The following STAT5B variants were observed in gnomAD, a reference collection of about 807,000 sequenced individuals.
STAT5B encodes the protein transcription factor STAT5B.
Under a neutral mutation model 107.8 loss-of-function variants are expected in STAT5B, and 21 were observed. The observed-to-expected ratio is 0.19, with a 90% CI of 0.14 to 0.28. STAT5B has a LOEUF of 0.28. STAT5B is among the 10% of genes least tolerant of loss of function. The pLI, the probability that STAT5B is intolerant of heterozygous loss-of-function variation, is 1.00. For missense variants in STAT5B, 565 were observed against 1,008.2 expected (o/e 0.56, Z 5.95); for synonymous variants, 325 against 401.7 (o/e 0.81, Z 2.28).
chr17:42,233,655 T>C (rs1567666179), intron 1 of STAT5B, among the ~76,000 whole-genome samples: 1 of 152,000 alleles, frequency 6.6e-6, no homozygotes. Context: ...CACGCCCGGA[T>C]AATTTTTTGT....
intron 1 of STAT5B, among the ~76,000 whole-genome samples, chr17:42,261,367 CACTT>C (rs1211595582): frequency 6.6e-6 from 1 of 152,078 alleles, no homozygotes; most frequent in Non-Finnish European, 1.5e-5. Context: ...TACAGAAAAA[CACTT>C]ATTTACTTCA....
rs2080540293 is a variant in STAT5B at position 42,255,941 on chromosome 17, A to G, written c.-11+20307T>C. ...CACCTCTACTAAAAATACCAAAATT[A>G]GCCAGGCATGGTGGCGTGCACCTGT... On this transcript the variant is annotated intron_variant, in intron 1 of 18. Transcript: ENST00000293328. Among the ~76,000 whole-genome samples the G allele has an allele frequency of 3.3e-5, 5 of 152,166 alleles. No individual in the cohort carries two copies. The South Asian group carries it at 1.0e-3, about 32-fold the overall frequency.
At chr17:42,278,275 A>C (rs963950340), upstream of STAT5B, among the ~76,000 whole-genome samples, 1 of 152,360 alleles carries the variant, frequency 6.6e-6, no homozygotes, top group South Asian at 2.1e-4. Context: ...CCCCAAGGGC[A>C]GACGCAATAT....
At chr17:42,253,014 C>T (rs2080512185) in intron 1 of STAT5B, among the ~76,000 whole-genome samples, 1 of 152,110 alleles carries the variant, frequency 6.6e-6, no homozygotes, top group South Asian at 2.1e-4. Context: ...TATGATTGTG[C>T]CAAAACAAGA....
intron 5 of STAT5B, among the ~76,000 whole-genome samples, chr17:42,222,397 A>G (rs192364292): frequency 1.1e-4 from 17 of 152,308 alleles, no homozygotes; most frequent in East Asian, 7.7e-4. Context: ...AGCAGGATTT[A>G]TACCAGGCTA....
intron 1 of STAT5B, among the ~76,000 whole-genome samples, chr17:42,259,373 C>T (rs572911666): frequency 6.6e-6 from 1 of 152,218 alleles, no homozygotes; most frequent in African/African-American, 2.4e-5. Context: ...ATGGGTAATG[C>T]TTCAGCCATG....
intron 3 of STAT5B, among the ~76,000 whole-genome samples, chr17:42,225,106 G>C (rs1402343141): frequency 1.3e-5 from 2 of 152,088 alleles, no homozygotes; most frequent in African/African-American, 4.8e-5. Context: ...CCAGGCTGGA[G>C]TGCAGTGGCA....
At chr17:42,220,941 A>G (rs572880475) in intron 5 of STAT5B, among the ~76,000 whole-genome samples, 1 of 133,660 alleles carries the variant, frequency 7.5e-6, no homozygotes, top group African/African-American at 2.8e-5. Context: ...CGTCTCCACC[A>G]CACTGGGACT....
chr17:42,248,071 G>A (rs997784193), intron 1 of STAT5B, among the ~76,000 whole-genome samples: 1 of 151,816 alleles, frequency 6.6e-6, no homozygotes, highest in Admixed American at 6.6e-5. Flanking sequence ...TAGGCCAGGA[G>A]TTTGAAACAA....
At chr17:42,254,348 C>CT (rs2080524026) in intron 1 of STAT5B, among the ~76,000 whole-genome samples, 1 of 152,190 alleles carries the variant, frequency 6.6e-6, no homozygotes, top group Non-Finnish European at 1.5e-5. Flanking sequence ...CCACTGCACT[C>CT]TGTCTCTTAA....
At chr17:42,223,339 G>A (rs757297255) in intron 5 of STAT5B, 43 bp downstream of exon 5, 13 of 1,613,658 alleles carry the variant, frequency 8.1e-6, no homozygotes, top group Non-Finnish European at 8.5e-6. Flanking sequence ...CAGTCCCCAG[G>A]CCCAATCCTC....
chr17:42,218,157 G>T lies in STAT5B; in HGVS notation c.1163C>A (p.Thr388Asn). 1 of 1,614,068 alleles carries T rather than the reference G, an allele frequency of 6.2e-7. No homozygotes were observed. Among genetic ancestry groups the T allele is most frequent in the Non-Finnish European group, 8.5e-7 (1 of 1,179,986 alleles). The change falls in exon 9 of 19, where the codon ACC becomes AAC. Residue 388 changes from threonine (T) to asparagine (N), a missense_variant. Coordinates refer to ENST00000293328, the MANE Select transcript of STAT5B (RefSeq NM_012448.4). ...GAGGAAGCTGCACAATTACTTGCGG[G>T]TGTTCTCGTTCTTGAGCAGAGACTT... ...QAKSLLKNEN[T>N]RNDYSGEILN... is the part of the protein sequence containing the mutation.
intron 3 of STAT5B, among the ~76,000 whole-genome samples, chr17:42,226,901 G>GATC (rs1373839472): frequency 6.7e-6 from 1 of 148,832 alleles, no homozygotes; most frequent in South Asian, 2.1e-4. Context: ...GAGGTGGGCG[G>GATC]ATCACCTGAG....
intron 2 of STAT5B, 57 bp from the exon 3 acceptor site, chr17:42,227,742 T>G (rs2080285910): frequency 1.1e-5 from 17 of 1,577,734 alleles, no homozygotes; most frequent in Non-Finnish European, 1.5e-5. Flanking sequence ...CCTGTATAAA[T>G]ACAGCCTCAA....
upstream of STAT5B, among the ~76,000 whole-genome samples, chr17:42,276,895 G>T (rs528647211): frequency 2.0e-5 from 3 of 152,332 alleles, no homozygotes; most frequent in African/African-American, 7.2e-5. The surrounding 1 kb of genome is among the most constrained non-coding windows in gnomAD (Gnocchi z 4.8). Flanking sequence ...TTGCCCCCGG[G>T]AGGGCGTCTC....
Position 42,201,524 on chromosome 17 carries a change from GCACACA to G in STAT5B, c.*208_*213del, listed in dbSNP as rs57573850. 2,654 of 615,590 alleles carry G rather than the reference GCACACA, an allele frequency of 4.3e-3. 23 individuals carry two copies. The highest frequency in any genetic ancestry group is 0.034 in the African/African-American group (1,842 of 54,080). 38.1% of individuals were successfully genotyped at this position (615,590 alleles called of 1,614,324 possible). ...GAGAAACACCATAACGTGCAAACAC[GCACACA>G]CACACACACACACACACACACACAA... On this transcript the variant is annotated 3_prime_UTR_variant, in exon 19 of 19. Transcript: ENST00000293328.
chr17:42,245,495 G>A (rs900184924), intron 1 of STAT5B, among the ~76,000 whole-genome samples: 6 of 151,830 alleles, frequency 4.0e-5, no homozygotes, highest in African/African-American at 1.5e-4. Flanking sequence ...GGGACCATAG[G>A]CATCTGCCAC....
At position 42,207,551 on chromosome 17, in the gene STAT5B, T is replaced by C. The variant is rs575140462; in HGVS notation, c.2077+7A>G. On this transcript the variant is annotated splice_region_variant and intron_variant, in intron 16 of 18. Coordinates refer to ENST00000293328, the MANE Select transcript of STAT5B (RefSeq NM_012448.4). ...ACAAAATCAAATCAGAATGCGAACA[T>C]TGTTACCAGTAGCAGACTCGCAGGG... 18 of 1,612,160 alleles carry C rather than the reference T, an allele frequency of 1.1e-5. No individual in the cohort carries two copies. Among genetic ancestry groups the C allele is most frequent in the African/African-American group, 1.1e-4 (8 of 74,676 alleles).
intron 1 of STAT5B, among the ~76,000 whole-genome samples, chr17:42,248,754 C>CG (rs773292948): frequency 6.6e-5 from 10 of 152,218 alleles, no homozygotes; most frequent in Non-Finnish European, 1.0e-4. Context: ...GCACTGTTAC[C>CG]GGAAGAAGCG....
Sources: allele counts gnomAD v4.1 joint callset (sites outside exome capture counted in the v4.1 genomes callset), GRCh38; gene constraint gnomAD v4.1.1; non-coding constraint Gnocchi (gnomAD v3.1); transcripts MANE v1.5; gene names NCBI Gene and HGNC (gene_info 2026-07-23, HGNC 2026-07-21).